DUSP3: variants seen among roughly 807,000 people sequenced by gnomAD.
DUSP3 encodes dual specificity phosphatase 3.
Under a neutral mutation model 15.5 loss-of-function variants are expected in DUSP3, and 7 were observed. The ratio of observed to expected loss-of-function variants is 0.45; its 90% CI spans 0.26 to 0.85. The LOEUF (loss-of-function observed/expected upper bound fraction) is 0.85, where lower values mean the gene tolerates loss of function less well. Among genes scored for constraint, DUSP3 ranks in the 40% least tolerant of loss-of-function variants. The pLI is 0.18. For missense variants in DUSP3, 209 were observed against 251.7 expected, an observed-to-expected ratio of 0.83 and a Z score of 1.15; for synonymous variants, 86 against 104.2, an observed-to-expected ratio of 0.83 and a Z score of 1.07.
At chr17:43,778,726 AC>A (rs1974424760) in intron 1 of DUSP3, 73 bp downstream of exon 1, 2 of 1,398,796 alleles carry the variant, frequency 1.4e-6, no homozygotes, top group Admixed American at 2.8e-5. Context: ...GACTCGCGAC[AC>A]CCCGACCCCA....
At chr17:43,770,395 C>G (rs112333030) in intron 2 of DUSP3, among the ~76,000 whole-genome samples, 4 of 152,134 alleles carry the variant, frequency 2.6e-5, no homozygotes, top group African/African-American at 9.7e-5. Flanking sequence ...CAGTGGCTCA[C>G]GCCTGTAATC....
At chr17:43,772,879 C>T (rs191392824) in intron 2 of DUSP3, among the ~76,000 whole-genome samples, 2 of 152,096 alleles carry the variant, frequency 1.3e-5, no homozygotes, top group Admixed American at 6.5e-5. Flanking sequence ...CCCAGCACAC[C>T]TGGACTGAGA....
intron 1 of DUSP3, 87 bp downstream of exon 1, chr17:43,778,713 C>G: frequency 7.2e-7 from 1 of 1,387,740 alleles, no homozygotes; most frequent in Non-Finnish European, 9.4e-7. Flanking sequence ...TCCCCCAACC[C>G]AAGACTCGCG....
chr17:43,769,848 G>A, intron 2 of DUSP3, 34 bp from the exon 3 acceptor site: 1 of 1,611,078 alleles, frequency 6.2e-7, no homozygotes, highest in Non-Finnish European at 8.5e-7. Context: ...GTGAGCTGGG[G>A]GCGTCCCATC....
chr17:43,776,930 G>A (rs1341367021), intron 1 of DUSP3, among the ~76,000 whole-genome samples: 1 of 151,670 alleles, frequency 6.6e-6, no homozygotes, highest in African/African-American at 2.4e-5. Context: ...GTGGCTGATA[G>A]AAAAAAACAC....
rs1456491224 is a variant in DUSP3, at chr17:43,769,422, G to C, written c.*187C>G. ...ACTGGGGAGCAAGGACGCCCCCCTTGGCAAGCTTCTTTATGTGCTCCCCAG... is the reference window on the plus strand; with the variant it reads ...ACTGGGGAGCAAGGACGCCCCCCTTCGCAAGCTTCTTTATGTGCTCCCCAG... On this transcript the variant is annotated 3_prime_UTR_variant, in exon 3 of 3. Transcript: ENST00000226004. The C allele has an allele frequency of 1.6e-6, 1 of 616,754 alleles. No individual in the cohort carries two copies. The highest frequency in any genetic ancestry group is 3.1e-5 in the East Asian group (1 of 32,738). 38.2% of individuals were successfully genotyped at this position (616,754 alleles called of 1,614,324 possible). A position where few individuals can be genotyped will look rare whatever the true frequency, so the allele number is the denominator to read the frequency against.
In DUSP3 at chr17:43,774,780, T is replaced by A. The variant is rs1567782553; in HGVS notation, c.284A>T (p.Glu95Val). The change falls in exon 2 of 3, where the codon GAG becomes GTG. Residue 95 changes from glutamate (E) to valine (V), a missense_variant. Coordinates refer to ENST00000226004, the MANE Select transcript of DUSP3 (RefSeq NM_004090.4). Reference protein sequence around the residue: ...YLGIKANDTQEFNLSAYFERA... With the variant: ...YLGIKANDTQVFNLSAYFERA... ...TTCAAAGTAAGCGCTGAGGTTGAAC[T>A]CCTGTGTGTCGTTGGCCTTGATGCC... 2 of 1,614,166 alleles carry A rather than the reference T, an allele frequency of 1.2e-6. No homozygotes were observed. The highest frequency in any genetic ancestry group is 1.7e-6 in the Non-Finnish European group (2 of 1,180,030).
chr17:43,770,696 G>T, intron 2 of DUSP3, among the ~76,000 whole-genome samples: 1 of 151,460 alleles, frequency 6.6e-6, no homozygotes, highest in Admixed American at 6.6e-5. Context: ...GAGGCCCTGG[G>T]AGCTGGGGAT....
At chr17:43,776,172 G>T (rs755919900) in intron 1 of DUSP3, among the ~76,000 whole-genome samples, 2 of 152,170 alleles carry the variant, frequency 1.3e-5, no homozygotes, top group Non-Finnish European at 2.9e-5. Flanking sequence ...TGGTGAAAAG[G>T]CCCCTTTATT....
rs377024727 is a variant in DUSP3 at position 43,774,917 on chromosome 17, G to A, written c.147C>T (p.Pro49=). 4.3e-6 allele frequency: 7 copies of A among 1,614,082 alleles called. No individual in the cohort carries two copies. In the African/African-American group the frequency reaches 8.0e-5, roughly 18 times the overall value. Residue 49 remains proline (P), a synonymous_variant, in exon 2 of 3, where the codon CCC becomes CCT. Transcript: ENST00000226004. The stretch of plus-strand genomic sequence containing the variant: ...GGGTGATGCCTAGTTTCTGCAGCTT[G>A]GGGATGTCCTGAGCCACAGACCTGG... ...VGNASVAQDI[P]KLQKLGITHV...
intron 2 of DUSP3, 79 bp downstream of exon 2, chr17:43,774,633 A>G (rs994941770): frequency 3.4e-6 from 5 of 1,456,390 alleles, no homozygotes; most frequent in Middle Eastern, 3.4e-4. Flanking sequence ...CTAAGAAGAG[A>G]CCTGTTGTGG....
In DUSP3 at chr17:43,769,785, A is replaced by G; in HGVS notation, c.382T>C (p.Tyr128His). ...GRVLVHCREGYSRSPTLVIAY... is the reference protein window; with the variant it reads ...GRVLVHCREGHSRSPTLVIAY... ...ATAACTAGCGTTGGGGAGCGGCTAT[A>G]ACCTTCCCGGCAGTGGACGAGCACC... The change falls in exon 3 of 3, where the codon TAT (tyrosine) becomes CAT (histidine). Residue 128 changes from tyrosine (Y) to histidine (H), a missense_variant. Transcript: ENST00000226004. 6.2e-7 allele frequency: 1 copy of G among 1,614,086 alleles called. No homozygotes were observed. The highest frequency in any genetic ancestry group is 2.2e-5 in the East Asian group (1 of 44,862).
intron 2 of DUSP3, among the ~76,000 whole-genome samples, chr17:43,772,226 C>T (rs1280133769): frequency 1.3e-5 from 2 of 152,180 alleles, no homozygotes; most frequent in Admixed American, 6.5e-5. Context: ...CCCCAAAACA[C>T]CACTCTATTT....
At chr17:43,776,114 G>A (rs533472857) in intron 1 of DUSP3, among the ~76,000 whole-genome samples, 20 of 152,238 alleles carry the variant, frequency 1.3e-4, no homozygotes, top group South Asian at 4.2e-4. Context: ...GTGAGACTCC[G>A]TCTCGAAAAA....
At position 43,774,624 on chromosome 17, in the gene DUSP3, T is replaced by C. The variant is rs28725212; in HGVS notation, c.352+88A>G. 14,828 of 1,409,130 alleles carry C rather than the reference T, an allele frequency of 0.011. 1,218 individuals carry two copies. In the African/African-American group the frequency reaches 0.18, roughly 17 times the overall value. The allele number at this position is 1,409,130 out of a possible 1,614,324, so 87.3% of individuals were successfully genotyped here. On this transcript the variant is annotated intron_variant, in intron 2 of 2. Transcript: ENST00000226004. ...AGAAGATGGGAAACAAGGGAGTTTC[T>C]AAGAAGAGACCTGTTGTGGGCCTGT... is the stretch of plus-strand genomic sequence containing the variant.
Position 43,769,466 on chromosome 17 carries a change from G to C in DUSP3, c.*143C>G. 1 of 964,316 alleles carries C rather than the reference G, an allele frequency of 1.0e-6. No individual in the cohort carries two copies. Among genetic ancestry groups the C allele is most frequent in the Non-Finnish European group, 1.5e-6 (1 of 661,654 alleles). 59.7% of individuals were successfully genotyped at this position (964,316 alleles called of 1,614,324 possible). A position where few individuals can be genotyped will look rare whatever the true frequency, so the allele number is the denominator to read the frequency against. On this transcript the variant is annotated 3_prime_UTR_variant, in exon 3 of 3. Coordinates refer to ENST00000226004, the MANE Select transcript of DUSP3 (RefSeq NM_004090.4). Reference sequence around the variant, plus strand: ...TCCCCAGGGTGGGGAAAGTGGCCCAGGACTGTGTTGGGACACACTTGTAGA... The same window carrying C: ...TCCCCAGGGTGGGGAAAGTGGCCCACGACTGTGTTGGGACACACTTGTAGA...
rs924181911 is a variant in DUSP3 at position 43,769,520 on chromosome 17, T to C, written c.*89A>G. 1.2e-5 allele frequency: 18 copies of C among 1,443,624 alleles called. No individual in the cohort carries two copies. The Admixed American group carries it at 1.3e-4, about 10-fold the overall frequency. The allele number at this position is 1,443,624 out of a possible 1,614,324, so 89.4% of individuals were successfully genotyped here. A position where few individuals can be genotyped will look rare whatever the true frequency, so the allele number is the denominator to read the frequency against. ...GTGCCTTGTGATGCTGGGAGCAGGG[T>C]ACAGTGTGTTTCCTAAACATGGCAG... On this transcript the variant is annotated 3_prime_UTR_variant, in exon 3 of 3. Transcript: ENST00000226004.
At position 43,769,501 on chromosome 17, in the gene DUSP3, T is replaced by C. The variant is rs1974283703; in HGVS notation, c.*108A>G. ...GGGACACACTTGTAGACAAGTGCCT[T>C]GTGATGCTGGGAGCAGGGTACAGTG... On this transcript the variant is annotated 3_prime_UTR_variant, in exon 3 of 3. Transcript: ENST00000226004. 3 of 1,298,146 alleles carry C rather than the reference T, an allele frequency of 2.3e-6. No individual in the cohort carries two copies. The highest frequency in any genetic ancestry group is 2.4e-5 in the East Asian group (1 of 41,420). 80.4% of individuals were successfully genotyped at this position (1,298,146 alleles called of 1,614,324 possible). A position where few individuals can be genotyped will look rare whatever the true frequency, so the allele number is the denominator to read the frequency against.
intron 1 of DUSP3, among the ~76,000 whole-genome samples, chr17:43,776,628 G>A (rs1974391068): frequency 6.6e-6 from 1 of 152,374 alleles, no homozygotes; most frequent in East Asian, 1.9e-4. Context: ...CCCTGGCCAA[G>A]TCAAGGTCAG....
Sources: gnomAD v4.1 joint callset for allele counts (sites outside exome capture counted in the v4.1 genomes callset) on GRCh38, gnomAD v4.1.1 for gene constraint, MANE v1.5 for transcripts, NCBI Gene and HGNC (gene_info 2026-07-23, HGNC 2026-07-21) for gene names.